The following HEATR5B variants were observed in gnomAD, a reference collection of about 807,000 sequenced individuals.
HEATR5B encodes HEAT repeat containing 5B, also known as HEAT repeat-containing protein 5B.
A neutral mutation model predicts 224.1 loss-of-function variants in HEATR5B; 156 were observed. That is an observed-to-expected ratio of 0.70 (90% confidence interval 0.61 to 0.80). The LOEUF (loss-of-function observed/expected upper bound fraction) is 0.80, where lower values mean the gene tolerates loss of function less well. HEATR5B is among the 30% of genes least tolerant of loss of function. The probability of loss-of-function intolerance (pLI) is 0.00; values close to 1 mark genes in which losing one functional copy is unlikely to be tolerated. For missense variants in HEATR5B, 2,323 were observed against 2,535.5 expected, an observed-to-expected ratio of 0.92 and a Z score of 1.80; for synonymous variants, 1,027 against 893.0, an observed-to-expected ratio of 1.15 and a Z score of -2.68.
chr2:37,062,446 T>C (rs77632021), intron 10 of HEATR5B, among the ~76,000 whole-genome samples: 5,247 of 151,974 alleles, frequency 0.035, 124 homozygotes, highest in Non-Finnish European at 0.052. Flanking sequence ...AAAAAGAAGT[T>C]GTCCTCTCGT....
At chr2:37,040,132 T>C (rs543230183) in intron 20 of HEATR5B, among the ~76,000 whole-genome samples, 197 bp downstream of exon 20, 24 of 152,228 alleles carry the variant, frequency 1.6e-4, no homozygotes, top group East Asian at 7.7e-4. Context: ...AACATTATCA[T>C]GTCATAGGTT....
chr2:37,037,458 C>G (rs1261360682), intron 21 of HEATR5B, among the ~76,000 whole-genome samples: 1 of 151,808 alleles, frequency 6.6e-6, no homozygotes, highest in Non-Finnish European at 1.5e-5. Context: ...GTGATATATT[C>G]TTAGCAAGGA....
intron 2 of HEATR5B, among the ~76,000 whole-genome samples, chr2:37,082,052 CTTTTTTTTTTTTTTTTTTTT>C (rs61036576): frequency 5.8e-4 from 14 of 23,962 alleles, no homozygotes; most frequent in African/African-American, 1.8e-3. Context: ...GAAGTATCTA[CTTTTTTTTTTTTTTTTTTTT>C]TTTTTTTTTT....
chr2:37,018,551 A>G (rs771679039), intron 26 of HEATR5B, among the ~76,000 whole-genome samples: 12 of 152,178 alleles, frequency 7.9e-5, no homozygotes, highest in Non-Finnish European at 1.5e-4. Flanking sequence ...GGCTTCAGAG[A>G]TATCAATTTC....
At chr2:37,027,865 G>T in intron 24 of HEATR5B, 58 bp downstream of exon 24, 1 of 1,555,194 alleles carries the variant, frequency 6.4e-7, no homozygotes, top group Non-Finnish European at 8.8e-7. Flanking sequence ...TCTCATAGCA[G>T]CAAAATGTCT....
intron 14 of HEATR5B, 73 bp from the exon 15 acceptor site, chr2:37,057,553 G>T: frequency 1.1e-6 from 1 of 947,036 alleles, no homozygotes; most frequent in Non-Finnish European, 1.6e-6. Flanking sequence ...CCCACAAAGA[G>T]CTGCAACATG....
In HEATR5B at chr2:37,077,849, CA is replaced by C. The variant is rs140354388; in HGVS notation, c.339-831del. ...CTCACAGTGTCTACCTCTTAATTTA[CA>C]AATAATACTATACTATTAGTAAACC... On this transcript the variant is annotated intron_variant, in intron 3 of 35. Coordinates refer to ENST00000233099, the MANE Select transcript of HEATR5B (RefSeq NM_019024.3). Among the ~76,000 whole-genome samples the C allele has an allele frequency of 9.5e-3, 1,451 of 152,250 alleles. 22 individuals are homozygous for C. Among genetic ancestry groups the C allele is most frequent in the African/African-American group, 0.033 (1,384 of 41,532 alleles).
chr2:37,058,575 A>C lies in HEATR5B; in HGVS notation c.1950-15T>G. ...CAGATGGAATGCTAAAATATCAAAA[A>C]CATAGTTGGTAATGGCTTACCAGAA... is the stretch of plus-strand genomic sequence containing the variant. On this transcript the variant is annotated splice_polypyrimidine_tract_variant and intron_variant, in intron 13 of 35. Transcript: ENST00000233099. 6.5e-7 allele frequency: 1 copy of C among 1,548,690 alleles called. No homozygotes were observed. The highest frequency in any genetic ancestry group is 8.9e-7 in the Non-Finnish European group (1 of 1,121,342).
At chr2:37,002,937 C>T (rs377636383) in intron 31 of HEATR5B, among the ~76,000 whole-genome samples, 22 of 152,252 alleles carry the variant, frequency 1.4e-4, no homozygotes, top group Middle Eastern at 3.4e-3. Flanking sequence ...TTCAAATCTT[C>T]TAAATGTATG....
At chr2:37,077,131 C>G in intron 3 of HEATR5B, 112 bp from the exon 4 acceptor site, 2 of 842,650 alleles carry the variant, frequency 2.4e-6, no homozygotes, top group Non-Finnish European at 3.8e-6. Flanking sequence ...GGCTATAATC[C>G]TTAATTTCAA....
chr2:36,993,361 AC>A (rs967859561), intron 33 of HEATR5B, among the ~76,000 whole-genome samples: 65 of 152,062 alleles, frequency 4.3e-4, no homozygotes, highest in African/African-American at 1.5e-3. Flanking sequence ...ACGTGGCAAA[AC>A]CCCATCTCTA....
chr2:37,058,440 T>G lies in HEATR5B; in HGVS notation c.2059+11A>C. On this transcript the variant is annotated intron_variant, in intron 14 of 35. Coordinates refer to ENST00000233099, the MANE Select transcript of HEATR5B (RefSeq NM_019024.3). ...AAAATTTTTATCAGATACCACAAAT[T>G]TTTAATTTACCTTCATAAGTTTTTG... 1.9e-6 allele frequency: 3 copies of G among 1,542,510 alleles called. No individual in the cohort carries two copies. Among genetic ancestry groups the G allele is most frequent in the Non-Finnish European group, 2.7e-6 (3 of 1,116,312 alleles).
intron 14 of HEATR5B, 24 bp from the exon 15 acceptor site, chr2:37,057,504 G>A (rs770021585): frequency 3.3e-6 from 5 of 1,526,500 alleles, no homozygotes; most frequent in Non-Finnish European, 4.4e-6. Context: ...CTTCAGATCA[G>A]ATTAAAAAGA....
chr2:37,074,093 G>A (rs1042423968), intron 5 of HEATR5B, among the ~76,000 whole-genome samples: 11 of 152,086 alleles, frequency 7.2e-5, no homozygotes, highest in Non-Finnish European at 1.0e-4. Context: ...AGGCCGAGGT[G>A]GGCGGATCAC....
At position 36,988,820 on chromosome 2, in the gene HEATR5B, G is replaced by A; in HGVS notation, c.5737C>T (p.Gln1913Ter). ...GTTGAAAGGGCACGATTGGAATGCT[G>A]GAAGACTGAGAGGAGAAGCTGGTAA... ...KCYQLLLSVFQHSNRALSTPY... is the reference protein window; with the variant it reads ...KCYQLLLSVF The change falls in exon 35 of 36, where the codon CAG (glutamine) becomes TAG (stop). Residue 1913 changes from glutamine (Q) to a stop codon, truncating the protein, a stop_gained. Coordinates refer to ENST00000233099, the MANE Select transcript of HEATR5B (RefSeq NM_019024.3). LOFTEE classifies it high-confidence loss of function. 6.2e-7 allele frequency: 1 copy of A among 1,614,024 alleles called. No individual in the cohort carries two copies. Among genetic ancestry groups the A allele is most frequent in the Non-Finnish European group, 8.5e-7 (1 of 1,179,970 alleles).
chr2:37,027,537 C>G (rs1384125721), intron 24 of HEATR5B, among the ~76,000 whole-genome samples: 1 of 152,194 alleles, frequency 6.6e-6, no homozygotes, highest in East Asian at 1.9e-4. Context: ...CTGATACTCT[C>G]CATGGCTGGG....
intron 18 of HEATR5B, among the ~76,000 whole-genome samples, chr2:37,043,315 T>G (rs1220950081): frequency 6.6e-6 from 1 of 152,246 alleles, no homozygotes; most frequent in Non-Finnish European, 1.5e-5. Context: ...AGTGGTTCAT[T>G]CAAAGCAAAA....
chr2:37,003,072 T>C (rs1302335135), intron 31 of HEATR5B, among the ~76,000 whole-genome samples: 3 of 151,794 alleles, frequency 2.0e-5, no homozygotes, highest in African/African-American at 4.8e-5. Context: ...CAGCCTAACA[T>C]GGCAAAACCC....
intron 35 of HEATR5B, 105 bp downstream of exon 35, chr2:36,988,541 T>G: frequency 1.1e-6 from 1 of 950,186 alleles, no homozygotes; most frequent in South Asian, 1.7e-5. Flanking sequence ...ACTCCCAAAG[T>G]GTAAGCCACT....
Sources: gnomAD v4.1 joint callset for allele counts (sites outside exome capture counted in the v4.1 genomes callset) on GRCh38, gnomAD v4.1.1 for gene constraint, MANE v1.5 for transcripts, NCBI Gene and HGNC (gene_info 2026-07-23, HGNC 2026-07-21) for gene names.